The following CRTC1 variants were observed in gnomAD, a reference collection of about 807,000 sequenced individuals.
The protein encoded by CRTC1 is CREB regulated transcription coactivator 1, also known as CREB-regulated transcription coactivator 1.
In CRTC1, 18 loss-of-function variants were observed where a neutral mutation model predicts 66.1. The ratio of observed to expected loss-of-function variants is 0.27; its 90% CI spans 0.19 to 0.40. The LOEUF is 0.40. CRTC1 is among the 10% of genes least tolerant of loss of function. CRTC1 has a pLI of 1.00. For missense variants in CRTC1, 669 were observed against 887.9 expected (o/e 0.75, Z 3.13); for synonymous variants, 416 against 398.8 (o/e 1.04, Z -0.51).
At chr19:18,730,074 G>C (rs551826102) in intron 1 of CRTC1, among the ~76,000 whole-genome samples, 51 of 152,286 alleles carry the variant, frequency 3.3e-4, no homozygotes, top group African/African-American at 1.2e-3. Context: ...CTGGGTGCCA[G>C]CCATCCTGTG....
chr19:18,695,019 C>T lies in CRTC1; in HGVS notation c.126+11191C>T, dbSNP rs140626251. Reference sequence around the variant, plus strand: ...TCAAGTAGCGGAGACTATAGGCACGCGCCACCATGCCCAGCCAATTTTTGT... The same window carrying T: ...TCAAGTAGCGGAGACTATAGGCACGTGCCACCATGCCCAGCCAATTTTTGT... On this transcript the variant is annotated intron_variant, in intron 1 of 13. Transcript: ENST00000321949. Among the ~76,000 whole-genome samples the T allele has an allele frequency of 1.6e-3, 247 of 151,008 alleles. 1 individual carries two copies. The highest frequency in any genetic ancestry group is 5.5e-3 in the African/African-American group (227 of 41,120).
At chr19:18,702,108 A>C (rs1485966424) in intron 1 of CRTC1, among the ~76,000 whole-genome samples, 1 of 151,602 alleles carries the variant, frequency 6.6e-6, no homozygotes, top group Non-Finnish European at 1.5e-5. Flanking sequence ...TTGTTAATAG[A>C]GATGGGGTTT....
chr19:18,702,687 A>G (rs2053173329), intron 1 of CRTC1, among the ~76,000 whole-genome samples: 2 of 151,482 alleles, frequency 1.3e-5, no homozygotes. Context: ...GGTATGCGCC[A>G]CCACACCCGG....
intron 1 of CRTC1, among the ~76,000 whole-genome samples, chr19:18,720,699 A>G (rs898612536): frequency 4.6e-5 from 7 of 151,896 alleles, no homozygotes; most frequent in African/African-American, 1.7e-4. Context: ...ACGGGGTTTC[A>G]TCATGTTGGC....
chr19:18,715,018 G>T (rs1390545425), intron 1 of CRTC1, among the ~76,000 whole-genome samples: 1 of 152,236 alleles, frequency 6.6e-6, no homozygotes, highest in Non-Finnish European at 1.5e-5. Flanking sequence ...AAATCTGGTG[G>T]TTTAAGAAAC....
At chr19:18,685,705 G>A (rs1263493314) in intron 1 of CRTC1, among the ~76,000 whole-genome samples, 2 of 152,058 alleles carry the variant, frequency 1.3e-5, no homozygotes, top group African/African-American at 2.4e-5. Context: ...ATCCTTCCAC[G>A]TGAGTGTCCC....
At chr19:18,710,860 A>G (rs977232549) in intron 1 of CRTC1, among the ~76,000 whole-genome samples, 4 of 152,026 alleles carry the variant, frequency 2.6e-5, no homozygotes, top group Non-Finnish European at 1.5e-5. Flanking sequence ...CAAGCGATCC[A>G]CAGCCTTGGC....
chr19:18,698,124 T>C (rs933203951), intron 1 of CRTC1, among the ~76,000 whole-genome samples: 6 of 149,804 alleles, frequency 4.0e-5, no homozygotes, highest in African/African-American at 1.5e-4. Flanking sequence ...ACAGTTTGTG[T>C]TCTGCAGGCG....
intron 1 of CRTC1, among the ~76,000 whole-genome samples, chr19:18,732,460 G>A (rs922624718): frequency 6.6e-6 from 1 of 152,260 alleles, no homozygotes; most frequent in Non-Finnish European, 1.5e-5. Flanking sequence ...GCCTCCAGAA[G>A]GAAGGCATTC....
intron 1 of CRTC1, among the ~76,000 whole-genome samples, chr19:18,731,940 C>T (rs140348906): frequency 3.0e-3 from 453 of 152,354 alleles, no homozygotes; most frequent in African/African-American, 0.01. Context: ...GGGGCTCCTG[C>T]AGGGAGAGTC....
At chr19:18,718,323 C>G (rs1160924544) in intron 1 of CRTC1, among the ~76,000 whole-genome samples, 1 of 152,076 alleles carries the variant, frequency 6.6e-6, no homozygotes, top group Non-Finnish European at 1.5e-5. Context: ...TAGCATGGGT[C>G]AGTGCTTCCT....
At chr19:18,750,784 A>G (rs2054346831) in intron 5 of CRTC1, among the ~76,000 whole-genome samples, 1 of 152,160 alleles carries the variant, frequency 6.6e-6, no homozygotes, top group African/African-American at 2.4e-5. Flanking sequence ...TGCAGCAGAG[A>G]CGGGAGGGAG....
At chr19:18,717,303 G>A (rs1325070829) in intron 1 of CRTC1, among the ~76,000 whole-genome samples, 7 of 152,070 alleles carry the variant, frequency 4.6e-5, no homozygotes, top group Non-Finnish European at 1.0e-4. Context: ...GGGTCTTCAG[G>A]CTGTGTGGGA....
At position 18,781,305 on chromosome 19, in the gene CRTC1, G is replaced by A. The variant is rs1270954954; in HGVS notation, c.*3923G>A. The A allele has an allele frequency of 4.4e-6, 1 of 228,894 alleles. No individual in the cohort carries two copies. Among genetic ancestry groups the A allele is most frequent in the Non-Finnish European group, 8.7e-6 (1 of 115,466 alleles). The allele number at this position is 228,894 out of a possible 1,614,324, so 14.2% of individuals were successfully genotyped here. A position where few individuals can be genotyped will look rare whatever the true frequency, so the allele number is the denominator to read the frequency against. ...CTCACTCACCCTGGGAGGCCTGCCT[G>A]GGCTACATGGACACCTGGGTCTCTT... On this transcript the variant is annotated 3_prime_UTR_variant, in exon 14 of 14. Transcript: ENST00000321949.
Position 18,777,728 on chromosome 19 carries a change from G to T in CRTC1, c.*346G>T, listed in dbSNP as rs980341328. On this transcript the variant is annotated 3_prime_UTR_variant, in exon 14 of 14. Transcript: ENST00000321949. This position sits in a 1 kb window ranked among gnomAD's most constrained non-coding sequence, Gnocchi z 5.5. ...GGGAAGTGTCAGCTCCCGGCGTGGC[G>T]GGCAGGCTCAGGGGAGGGGCGCGCA... is the stretch of plus-strand genomic sequence containing the variant. 2 of 364,130 alleles carry T rather than the reference G, an allele frequency of 5.5e-6. No individual in the cohort carries two copies. Among genetic ancestry groups the T allele is most frequent in the African/African-American group, 4.3e-5 (2 of 46,418 alleles). 22.6% of individuals were successfully genotyped at this position (364,130 alleles called of 1,614,324 possible).
chr19:18,706,158 G>T (rs1053340285), intron 1 of CRTC1, among the ~76,000 whole-genome samples: 1 of 84,966 alleles, frequency 1.2e-5, no homozygotes. Flanking sequence ...TTTATTTCTG[G>T]GCTTTCTATT....
chr19:18,781,569 G>A lies in CRTC1; in HGVS notation c.*4187G>A. 4.4e-6 allele frequency: 1 copy of A among 229,740 alleles called. No homozygotes were observed. The allele number at this position is 229,740 out of a possible 1,614,324, so 14.2% of individuals were successfully genotyped here. A position where few individuals can be genotyped will look rare whatever the true frequency, so the allele number is the denominator to read the frequency against. On this transcript the variant is annotated 3_prime_UTR_variant, in exon 14 of 14. Transcript: ENST00000321949. The stretch of plus-strand genomic sequence containing the variant: ...CACAGACACCATTCTCCCCCTGGGA[G>A]CAGGAGGTGGAGTAAGTTGTACCCC...
rs544047483 is a variant in CRTC1 at position 18,781,641 on chromosome 19, G to C, written c.*4259G>C. ...TCCTGAGGGCATGGGTGGGGCAGGA[G>C]TGAGTGCCTCGTGATCCCAGCCTCA... On this transcript the variant is annotated 3_prime_UTR_variant, in exon 14 of 14. Transcript: ENST00000321949. 4.3e-6 allele frequency: 1 copy of C among 230,716 alleles called. No individual in the cohort carries two copies. Among genetic ancestry groups the C allele is most frequent in the East Asian group, 6.1e-5 (1 of 16,296 alleles). The allele number at this position is 230,716 out of a possible 1,614,324, so 14.3% of individuals were successfully genotyped here. A position where few individuals can be genotyped will look rare whatever the true frequency, so the allele number is the denominator to read the frequency against.
At chr19:18,714,401 G>A (rs181119529) in intron 1 of CRTC1, among the ~76,000 whole-genome samples, 342 of 152,110 alleles carry the variant, frequency 2.2e-3, no homozygotes, top group Non-Finnish European at 3.8e-3. Context: ...TCCGCCTCCT[G>A]GGTTCAAGCA....
Sources: allele counts gnomAD v4.1 joint callset (sites outside exome capture counted in the v4.1 genomes callset), GRCh38; gene constraint gnomAD v4.1.1; non-coding constraint Gnocchi (gnomAD v3.1); transcripts MANE v1.5; gene names NCBI Gene and HGNC (gene_info 2026-07-23, HGNC 2026-07-21).